KPNA7: variants seen among roughly 807,000 people sequenced by gnomAD.
KPNA7 encodes importin subunit alpha-8.
In KPNA7, 54 loss-of-function variants were observed where a neutral mutation model predicts 53.7. The observed-to-expected ratio is 1.01, with a 90% CI of 0.81 to 1.26. The LOEUF is 1.26. KPNA7 is among the 50% of genes most tolerant of loss of function. KPNA7 has a pLI of 0.00. For synonymous variants in KPNA7, 276 were observed against 259.3 expected, an observed-to-expected ratio of 1.06 and a Z score of -0.62; for missense variants, 640 against 644.5, an observed-to-expected ratio of 0.99 and a Z score of 0.07.
At chr7:99,163,120 G>A in the KPNA7 span, among the ~76,000 whole-genome samples, 1 of 151,840 alleles carries the variant, frequency 6.6e-6, no homozygotes, top group Non-Finnish European at 1.5e-5. Flanking sequence ...GGCGGAGGTT[G>A]CAGTGAGCCG....
At chr7:99,180,555 CTCTG>C (rs56053514) in intron 9 of KPNA7, among the ~76,000 whole-genome samples, 2 of 141,538 alleles carry the variant, frequency 1.4e-5, no homozygotes, top group African/African-American at 5.4e-5. Context: ...CTCCGTCTGT[CTCTG>C]TCTCTGTCCA....
chr7:99,215,099 C>T (rs1048420295), intron 1 of KPNA7, among the ~76,000 whole-genome samples: 1 of 151,864 alleles, frequency 6.6e-6, no homozygotes. Context: ...AGAAACTCGG[C>T]GCGGTGGCTC....
At chr7:99,169,133 C>G (rs559353957), downstream of KPNA7, among the ~76,000 whole-genome samples, 221 of 151,820 alleles carry the variant, frequency 1.5e-3, no homozygotes, top group African/African-American at 4.8e-3. Context: ...TCCAGCCTGG[C>G]GACAGAGAGA....
intron 1 of KPNA7, among the ~76,000 whole-genome samples, chr7:99,213,430 TAAAA>T (rs61231738): frequency 0.01 from 730 of 72,898 alleles, 11 homozygotes; most frequent in African/African-American, 0.026. Flanking sequence ...CCTGGCCTTT[TAAAA>T]AAAAAAAAAA....
At chr7:99,180,236 T>TCA (rs1799107821) in intron 9 of KPNA7, among the ~76,000 whole-genome samples, 1 of 152,138 alleles carries the variant, frequency 6.6e-6, no homozygotes, top group Non-Finnish European at 1.5e-5. Context: ...GCATGGTGGC[T>TCA]CACACCTGTA....
chr7:99,174,890 A>C (rs1188379742), intron 10 of KPNA7, among the ~76,000 whole-genome samples: 1 of 151,346 alleles, frequency 6.6e-6, no homozygotes, highest in Non-Finnish European at 1.5e-5. Context: ...AGCTCACTAC[A>C]ACCTCTGCTT....
At chr7:99,207,570 TA>T (rs1244588631) in intron 1 of KPNA7, 81 bp from the exon 2 acceptor site, 77 of 537,340 alleles carry the variant, frequency 1.4e-4, no homozygotes, top group Admixed American at 1.0e-3. Flanking sequence ...CTCTAACCCT[TA>T]AAGGGCTCAC....
At chr7:99,183,845 TTTTTTG>T (rs1466774965) in intron 8 of KPNA7, among the ~76,000 whole-genome samples, 1 of 152,218 alleles carries the variant, frequency 6.6e-6, no homozygotes, top group East Asian at 1.9e-4. Context: ...GAAATAATGT[TTTTTTG>T]TTTTTGTTTT....
At chr7:99,209,696 A>AT (rs1230218624), upstream of KPNA7, among the ~76,000 whole-genome samples, 600 of 129,952 alleles carry the variant, frequency 4.6e-3, 4 homozygotes, top group African/African-American at 0.018. Flanking sequence ...AAAAAAAAAA[A>AT]AAAAAAAAAA....
At chr7:99,214,278 CAAA>C (rs112803395) in intron 1 of KPNA7, among the ~76,000 whole-genome samples, 2 of 111,478 alleles carry the variant, frequency 1.8e-5, no homozygotes, top group Admixed American at 9.3e-5. Flanking sequence ...TAAAAATATA[CAAA>C]AAAAAAAAAA....
chr7:99,146,750 A>G, the KPNA7 span, among the ~76,000 whole-genome samples: 1 of 124,946 alleles, frequency 8.0e-6, no homozygotes, highest in Admixed American at 8.1e-5. Flanking sequence ...AAAAAAAAAC[A>G]ACGGAAAATG....
intron 5 of KPNA7, 134 bp from the exon 6 acceptor site, chr7:99,193,235 C>T: frequency 1.9e-6 from 1 of 524,496 alleles, no homozygotes; most frequent in Non-Finnish European, 3.3e-6. Context: ...GGTAGTAGAG[C>T]CACGTACTAA....
chr7:99,183,194 G>A (rs1183031756), intron 8 of KPNA7, among the ~76,000 whole-genome samples: 3 of 152,258 alleles, frequency 2.0e-5, no homozygotes, highest in Non-Finnish European at 4.4e-5. Context: ...AGAGGTTGCA[G>A]TGAGCCAAAA....
chr7:99,160,394 G>T, the KPNA7 span, among the ~76,000 whole-genome samples: 69 of 151,986 alleles, frequency 4.5e-4, no homozygotes, highest in East Asian at 0.013. Flanking sequence ...GCTTCCTATT[G>T]TTTTATATTC....
At chr7:99,183,242 A>ACTC (rs896909542) in intron 8 of KPNA7, among the ~76,000 whole-genome samples, 1 of 150,996 alleles carries the variant, frequency 6.6e-6, no homozygotes. Context: ...ACAGAGCGAG[A>ACTC]CTCCATCTCC....
upstream of KPNA7, among the ~76,000 whole-genome samples, chr7:99,208,987 A>G (rs188534495): frequency 2.7e-3 from 418 of 152,140 alleles, 3 homozygotes; most frequent in Non-Finnish European, 4.9e-3. Flanking sequence ...CCCCATCTCT[A>G]CTAGAAATAC....
At chr7:99,191,604 C>T (rs1421826630) in intron 6 of KPNA7, among the ~76,000 whole-genome samples, 2 of 152,228 alleles carry the variant, frequency 1.3e-5, no homozygotes, top group African/African-American at 4.8e-5. Flanking sequence ...TAAACTCTCT[C>T]GGTCATGGCT....
At chr7:99,208,473 GTC>G (rs768383067), upstream of KPNA7, among the ~76,000 whole-genome samples, 11 of 152,178 alleles carry the variant, frequency 7.2e-5, no homozygotes, top group East Asian at 1.4e-3. Context: ...AGCCAGGATG[GTC>G]TCTATCTCCT....
upstream of KPNA7, among the ~76,000 whole-genome samples, chr7:99,210,172 A>G (rs143698605): frequency 8.4e-3 from 1,281 of 152,310 alleles, 9 homozygotes; most frequent in South Asian, 0.014. Context: ...ATTGTGTTCT[A>G]GACCCCTGGG....
Sources: gnomAD v4.1 joint callset for allele counts (sites outside exome capture counted in the v4.1 genomes callset) on GRCh38, gnomAD v4.1.1 for gene constraint, MANE v1.5 for transcripts, NCBI Gene and HGNC (gene_info 2026-07-23, HGNC 2026-07-21) for gene names.